The following LARP6 variants were observed in gnomAD, a reference collection of about 807,000 sequenced individuals.
LARP6 encodes the protein La ribonucleoprotein 6, translational regulator, also known as la-related protein 6.
LARP6 carries 18 observed loss-of-function variants against 32.8 expected under a neutral mutation model. That is an observed-to-expected ratio of 0.55 (90% CI 0.38 to 0.81). LARP6 has a LOEUF of 0.81. LARP6 is among the 40% of genes least tolerant of loss of function. The pLI, the probability that LARP6 is intolerant of heterozygous loss-of-function variation, is 0.00. For missense variants in LARP6, 598 were observed against 663.1 expected (o/e 0.90, Z 1.08); for synonymous variants, 289 against 267.2 (o/e 1.08, Z -0.80).
intron 2 of LARP6, among the ~76,000 whole-genome samples, chr15:70,834,901 T>C (rs2032119568): frequency 6.6e-6 from 1 of 152,228 alleles, no homozygotes; most frequent in Admixed American, 6.5e-5. Flanking sequence ...ATGAAAAGGA[T>C]CTTTGCTCTG....
intron 1 of LARP6, among the ~76,000 whole-genome samples, chr15:70,837,370 G>A (rs889572569): frequency 2.6e-5 from 4 of 152,118 alleles, no homozygotes; most frequent in African/African-American, 9.7e-5. Flanking sequence ...GAGACACAGT[G>A]AGACCCTGTC....
At chr15:70,845,547 C>T (rs193120651) in intron 1 of LARP6, among the ~76,000 whole-genome samples, 2,012 of 152,294 alleles carry the variant, frequency 0.013, 46 homozygotes, top group African/African-American at 0.047. Context: ...ACCTTGATCA[C>T]CTATCTGAGG....
In LARP6 at chr15:70,829,576, T is replaced by G. The variant is rs1285913333; in HGVS notation, c.*2476A>C. 6.6e-6 allele frequency: 1 copy of G among 152,234 alleles called. No individual in the cohort carries two copies. The highest frequency in any genetic ancestry group is 1.9e-4 in the East Asian group (1 of 5,196). 9.4% of individuals were successfully genotyped at this position (152,234 alleles called of 1,614,324 possible). A position where few individuals can be genotyped will look rare whatever the true frequency, so the allele number is the denominator to read the frequency against. ...AGTGACTAATGCCTGCAAAGCACTT[T>G]TCCATTCAGAAAGCACTTGCACATA... is the stretch of plus-strand genomic sequence containing the variant. On this transcript the variant is annotated 3_prime_UTR_variant, in exon 3 of 3. Coordinates refer to ENST00000299213, the MANE Select transcript of LARP6 (RefSeq NM_018357.4).
Position 70,832,798 on chromosome 15 carries a change from G to A in LARP6, c.730C>T (p.Arg244Trp), listed in dbSNP as rs761042215. ...TGGCTGTAGCGGCTGCTGATCCTCCGGATGTCAGGGGGCAGCTCTCTCCCA... is the reference window on the plus strand; with the variant it reads ...TGGCTGTAGCGGCTGCTGATCCTCCAGATGTCAGGGGGCAGCTCTCTCCCA... ...KPGRELPPDI[R>W]RISSRYSQVG... The change falls in exon 3 of 3, where the codon CGG (arginine) becomes TGG (tryptophan). Residue 244 changes from arginine to tryptophan, a missense_variant. Physicochemically the swap from Arg to Trp is moderately radical, Grantham distance 101. Coordinates refer to ENST00000299213, the MANE Select transcript of LARP6 (RefSeq NM_018357.4). 1.7e-5 allele frequency: 27 copies of A among 1,611,374 alleles called. No homozygotes were observed. Among genetic ancestry groups the A allele is most frequent in the Middle Eastern group, 1.7e-4 (1 of 6,058 alleles).
intron 2 of LARP6, among the ~76,000 whole-genome samples, chr15:70,835,214 C>A (rs940282361): frequency 1.3e-5 from 2 of 152,232 alleles, no homozygotes; most frequent in African/African-American, 4.8e-5. Context: ...ATTTCAATGT[C>A]ACCTTCTCTG....
At chr15:70,833,440 C>A (rs747637058) in intron 2 of LARP6, among the ~76,000 whole-genome samples, 5 of 152,182 alleles carry the variant, frequency 3.3e-5, no homozygotes, top group Non-Finnish European at 5.9e-5. Context: ...ATACACAAAT[C>A]AAAGGCCCAC....
intron 1 of LARP6, chr15:70,851,280 G>T: frequency 4.5e-6 from 1 of 219,834 alleles, no homozygotes. Flanking sequence ...AAAATGTTGT[G>T]TTAAATCTAG....
Position 70,836,428 on chromosome 15 carries a change from A to G in LARP6, c.278T>C (p.Ile93Thr), listed in dbSNP as rs1395612997. The change falls in exon 2 of 3, where the codon ATC (isoleucine) becomes ACC (threonine). Residue 93 changes from isoleucine to threonine, a missense_variant. Transcript: ENST00000299213. ...QEWKPPDEEL[I>T]KKLVDQIEFY... ...TTCGATCTGATCCACCAGTTTCTTG[A>G]TCAACTCCTCATCCGGGGGCTTCCA... 6.2e-7 allele frequency: 1 copy of G among 1,614,008 alleles called. No homozygotes were observed. Among genetic ancestry groups the G allele is most frequent in the East Asian group, 2.2e-5 (1 of 44,894 alleles).
In LARP6 at chr15:70,836,352, G is replaced by A. The variant is rs78188777; in HGVS notation, c.354C>T (p.His118=). Residue 118 remains histidine (H), a synonymous_variant, in exon 2 of 3, where the codon CAC becomes CAT. Coordinates refer to ENST00000299213, the MANE Select transcript of LARP6 (RefSeq NM_018357.4). ...CATATCCCAGCTTGTTCCTCCTCAC[G>A]TGTTTTAGCAAAAAGGCGTCCTTCT... ...NLEKDAFLLK[H]VRRNKLGYVS... 4,654 of 1,614,044 alleles carry A rather than the reference G, an allele frequency of 2.9e-3. 121 individuals are homozygous for A. In the African/African-American group the frequency reaches 0.055, roughly 19 times the overall value.
rs77822431 is a variant in LARP6, at chr15:70,841,673, T to C, written c.201-5168A>G. Among the ~76,000 whole-genome samples the C allele has an allele frequency of 2.3e-3, 353 of 152,154 alleles. 3 individuals carry two copies. Among genetic ancestry groups the C allele is most frequent in the African/African-American group, 8.4e-3 (349 of 41,506 alleles). ...CTGGTCATTTAAAAGTATGTGGTAC[T>C]CCCTCCCACCCCCACCATCACCAAC... On this transcript the variant is annotated intron_variant, in intron 1 of 2. Transcript: ENST00000299213.
intron 1 of LARP6, among the ~76,000 whole-genome samples, chr15:70,844,509 A>G (rs1305606691): frequency 6.6e-6 from 1 of 152,208 alleles, no homozygotes; most frequent in African/African-American, 2.4e-5. Flanking sequence ...CTGAAAGTTG[A>G]AAGTCAATCA....
At chr15:70,836,717 A>C (rs1367145359) in intron 1 of LARP6, among the ~76,000 whole-genome samples, 1 of 152,166 alleles carries the variant, frequency 6.6e-6, no homozygotes, top group Non-Finnish European at 1.5e-5. Flanking sequence ...CAAAGGGGTA[A>C]ATTTGAACAC....
Position 70,839,038 on chromosome 15 carries a change from G to C in LARP6, c.201-2533C>G, listed in dbSNP as rs574895043. ...TTTTCAAATTCAGAAATTATAATTA[G>C]TATAAAATATAGGCATTGGTTGATT... On this transcript the variant is annotated intron_variant, in intron 1 of 2. Transcript: ENST00000299213. Among the ~76,000 whole-genome samples the C allele has an allele frequency of 5.8e-4, 88 of 152,122 alleles. 2 individuals are homozygous for C. The highest frequency in any genetic ancestry group is 1.1e-3 in the Non-Finnish European group (77 of 67,986).
In LARP6 at chr15:70,837,784, G is replaced by T. The variant is rs535034984; in HGVS notation, c.201-1279C>A. 3.9e-5 allele frequency among the ~76,000 whole-genome samples: 6 copies of T among 152,320 alleles called. No individual in the cohort carries two copies. The South Asian group carries it at 1.0e-3, about 26-fold the overall frequency. ...GATGGGAGTGTAATTTCCTAGGGCT[G>T]CCAGCTCTAGGAGTCCTGGCTTTAG... On this transcript the variant is annotated intron_variant, in intron 1 of 2. Transcript: ENST00000299213.
intron 1 of LARP6, among the ~76,000 whole-genome samples, chr15:70,838,277 T>C (rs962268572): frequency 2.6e-5 from 4 of 152,208 alleles, no homozygotes; most frequent in Admixed American, 2.0e-4. Context: ...TACCTGTAAA[T>C]TGGGAATCAT....
intron 1 of LARP6, chr15:70,851,638 C>G (rs375935194): frequency 1.2e-6 from 2 of 1,612,976 alleles, no homozygotes; most frequent in Admixed American, 3.3e-5. Flanking sequence ...ACAAACATGT[C>G]CTATGTGCTG....
intron 1 of LARP6, among the ~76,000 whole-genome samples, chr15:70,843,543 A>G (rs1395561460): frequency 3.9e-5 from 6 of 152,056 alleles, no homozygotes. Context: ...ACTACATAAA[A>G]TGAGTATTTG....
In LARP6 at chr15:70,851,455, T is replaced by C. The variant is rs2032447544; in HGVS notation, c.200+2434A>G. 2.3e-6 allele frequency: 3 copies of C among 1,285,254 alleles called. No homozygotes were observed. The African/African-American group carries it at 4.4e-5, about 19-fold the overall frequency. 79.6% of individuals were successfully genotyped at this position (1,285,254 alleles called of 1,614,324 possible). On this transcript the variant is annotated intron_variant, in intron 1 of 2. Coordinates refer to ENST00000299213, the MANE Select transcript of LARP6 (RefSeq NM_018357.4). ...TAGAGGCTGTAAAGACTTTTCTTTATTGTTCATTTATTCTGTTCCCTTATA... is the reference window on the plus strand; with the variant it reads ...TAGAGGCTGTAAAGACTTTTCTTTACTGTTCATTTATTCTGTTCCCTTATA...
rs529243000 is a variant in LARP6 at position 70,835,592 on chromosome 15, C to T, written c.411+703G>A. Among the ~76,000 whole-genome samples the T allele has an allele frequency of 2.7e-4, 41 of 152,358 alleles. 1 individual carries two copies. In the South Asian group the frequency reaches 8.1e-3, roughly 30 times the overall value. On this transcript the variant is annotated intron_variant, in intron 2 of 2. Transcript: ENST00000299213. ...ACTTGGCCGGGACCCACTTGTTACG[C>T]ATCCCGTTATGCAACAGGCCGCGTA...
Sources: allele counts gnomAD v4.1 joint callset (sites outside exome capture counted in the v4.1 genomes callset), GRCh38; gene constraint gnomAD v4.1.1; transcripts MANE v1.5; gene names NCBI Gene and HGNC (gene_info 2026-07-23, HGNC 2026-07-21).